Variants in TBPL1 observed in about 807,000 individuals in gnomAD.
The protein encoded by TBPL1 is TATA-box binding protein like 1.
Under a neutral mutation model 22.1 loss-of-function variants are expected in TBPL1, and 4 were observed. The ratio of observed to expected loss-of-function variants is 0.18; its 90% CI spans 0.09 to 0.41. The LOEUF (loss-of-function observed/expected upper bound fraction) is 0.41. Ranked by LOEUF, TBPL1 falls within the 10% of genes least tolerant of loss-of-function variation. TBPL1 has a pLI of 1.00. For missense variants in TBPL1, 115 were observed against 222.3 expected (o/e 0.52, Z 3.07); for synonymous variants, 64 against 71.0 (o/e 0.90, Z 0.50).
At chr6:133,983,532 G>A (rs1429501634) in intron 4 of TBPL1, among the ~76,000 whole-genome samples, 1 of 152,178 alleles carries the variant, frequency 6.6e-6, no homozygotes, top group Non-Finnish European at 1.5e-5. Context: ...AGGGTGATAG[G>A]AAGAGACTGA....
chr6:133,967,365 A>G (rs1776137505), intron 1 of TBPL1, among the ~76,000 whole-genome samples: 1 of 152,232 alleles, frequency 6.6e-6, no homozygotes, highest in African/African-American at 2.4e-5. Context: ...TTCTTTATAT[A>G]TTAGAGCTTC....
intron 1 of TBPL1, among the ~76,000 whole-genome samples, chr6:133,957,383 A>C (rs1235501795): frequency 6.6e-6 from 1 of 152,236 alleles, no homozygotes; most frequent in Admixed American, 6.5e-5. Flanking sequence ...TTCAGCATTG[A>C]ATTGTGCTTA....
In TBPL1 at chr6:133,986,925, C is replaced by G. The variant is rs201964769; in HGVS notation, c.482-36C>G. On this transcript the variant is annotated intron_variant, in intron 6 of 6. Transcript: ENST00000237264. ...TTTTTCCTAGTGCTCCCTTTTCCAA[C>G]TCTTCTCACTCCTTCCTCCATTGTG... 4.7e-4 allele frequency: 689 copies of G among 1,468,762 alleles called. 2 individuals carry two copies. Among genetic ancestry groups the G allele is most frequent in the Non-Finnish European group, 6.0e-4 (644 of 1,079,064 alleles). The allele number at this position is 1,468,762 out of a possible 1,614,324, so 91.0% of individuals were successfully genotyped here.
chr6:133,967,806 A>G (rs1440033313), intron 1 of TBPL1, among the ~76,000 whole-genome samples: 3 of 152,188 alleles, frequency 2.0e-5, no homozygotes, highest in Non-Finnish European at 4.4e-5. Flanking sequence ...AGGAAAATCA[A>G]TTAATTCAGT....
At chr6:133,978,664 TATA>T (rs904938446) in intron 1 of TBPL1, among the ~76,000 whole-genome samples, 3 of 151,944 alleles carry the variant, frequency 2.0e-5, no homozygotes, top group African/African-American at 7.3e-5. Context: ...AGTGAAAAAA[TATA>T]ATGAAGTTGA....
At chr6:133,955,669 A>G (rs1360610612) in intron 1 of TBPL1, among the ~76,000 whole-genome samples, 1 of 152,252 alleles carries the variant, frequency 6.6e-6, no homozygotes. Flanking sequence ...ACTTAGCAGA[A>G]TGAAAGACGT....
At chr6:133,976,299 G>A (rs1776311468) in intron 1 of TBPL1, among the ~76,000 whole-genome samples, 1 of 152,084 alleles carries the variant, frequency 6.6e-6, no homozygotes, top group African/African-American at 2.4e-5. Flanking sequence ...CGATTTCATA[G>A]CGTTCATACA....
At chr6:133,986,242 G>T (rs1353536974) in intron 6 of TBPL1, among the ~76,000 whole-genome samples, 1 of 152,122 alleles carries the variant, frequency 6.6e-6, no homozygotes, top group Admixed American at 6.5e-5. Flanking sequence ...TTTCAAAAGA[G>T]GTTAAGTGTG....
Position 133,989,203 on chromosome 6 carries a change from A to G in TBPL1, c.*2163A>G, listed in dbSNP as rs377018584. ...TAAGTACTGTAAATTTTTTTTATAA[A>G]TAAAAACTGTGAATATATATGTACA... On this transcript the variant is annotated 3_prime_UTR_variant, in exon 7 of 7. Transcript: ENST00000237264. 28 of 152,246 alleles carry G rather than the reference A, an allele frequency of 1.8e-4. No homozygotes were observed. The highest frequency in any genetic ancestry group is 6.5e-4 in the African/African-American group (27 of 41,546). The allele number at this position is 152,246 out of a possible 1,614,324, so 9.4% of individuals were successfully genotyped here.
chr6:133,959,504 TG>T (rs1172771607), intron 1 of TBPL1, among the ~76,000 whole-genome samples: 1 of 152,012 alleles, frequency 6.6e-6, no homozygotes, highest in African/African-American at 2.4e-5. Context: ...GTTTTGGAGA[TG>T]GAGTCTCACT....
At chr6:133,972,944 G>A (rs886095747) in intron 1 of TBPL1, among the ~76,000 whole-genome samples, 1 of 152,142 alleles carries the variant, frequency 6.6e-6, no homozygotes, top group Admixed American at 6.5e-5. Context: ...AGAGCGGTTA[G>A]GTAAGTGGCC....
chr6:133,955,280 C>A (rs1481093119), intron 1 of TBPL1, among the ~76,000 whole-genome samples: 1 of 149,700 alleles, frequency 6.7e-6, no homozygotes, highest in Non-Finnish European at 1.5e-5. Context: ...AGGGTCAAGC[C>A]CTAGCTTCCA....
At chr6:133,966,965 T>A (rs1489702653) in intron 1 of TBPL1, among the ~76,000 whole-genome samples, 4 of 152,244 alleles carry the variant, frequency 2.6e-5, no homozygotes, top group Non-Finnish European at 4.4e-5. Flanking sequence ...TTGCTTCTTT[T>A]TTAGCTAACC....
intron 1 of TBPL1, among the ~76,000 whole-genome samples, chr6:133,966,901 C>T (rs1776129534): frequency 6.6e-6 from 1 of 152,198 alleles, no homozygotes; most frequent in Non-Finnish European, 1.5e-5. Flanking sequence ...TCCATCCTCC[C>T]ATTGCAGAGT....
At chr6:133,963,476 G>C (rs1468377969) in intron 1 of TBPL1, among the ~76,000 whole-genome samples, 1 of 152,154 alleles carries the variant, frequency 6.6e-6, no homozygotes, top group Non-Finnish European at 1.5e-5. Flanking sequence ...CCAGACTGGA[G>C]TGCAGTGGTG....
chr6:133,969,251 CTTT>C (rs536421364), intron 1 of TBPL1, among the ~76,000 whole-genome samples: 21 of 122,592 alleles, frequency 1.7e-4, no homozygotes, highest in African/African-American at 4.9e-4. Flanking sequence ...ATAAAATACA[CTTT>C]TTTTTTTTTT....
chr6:133,971,082 T>A (rs564550582), intron 1 of TBPL1, among the ~76,000 whole-genome samples: 4 of 152,290 alleles, frequency 2.6e-5, no homozygotes, highest in African/African-American at 9.6e-5. Flanking sequence ...CCAACCTCCG[T>A]TCATTCTCAT....
intron 1 of TBPL1, among the ~76,000 whole-genome samples, chr6:133,957,648 A>G (rs1311993934): frequency 1.3e-5 from 2 of 152,234 alleles, no homozygotes; most frequent in Non-Finnish European, 1.5e-5. Flanking sequence ...CTTAAAGAGT[A>G]CGGACTCTGG....
upstream of TBPL1, among the ~76,000 whole-genome samples, chr6:133,952,889 A>C (rs1036114082): frequency 2.0e-5 from 3 of 152,190 alleles, no homozygotes; most frequent in Non-Finnish European, 4.4e-5. The surrounding 1 kb of genome is among the most constrained non-coding windows in gnomAD (Gnocchi z 4.5). Flanking sequence ...ATCAACTAAA[A>C]ATATACAAAG....
Sources: gnomAD v4.1 joint callset for allele counts (sites outside exome capture counted in the v4.1 genomes callset) on GRCh38, gnomAD v4.1.1 for gene constraint, Gnocchi (gnomAD v3.1) non-coding constraint, MANE v1.5 for transcripts, NCBI Gene and HGNC (gene_info 2026-07-23, HGNC 2026-07-21) for gene names.